MAP4K5: variants seen among roughly 807,000 people sequenced by gnomAD.
MAP4K5 encodes MAPK/ERK kinase kinase kinase 5.
A neutral mutation model predicts 135.6 loss-of-function variants in MAP4K5; 82 were observed. The ratio of observed to expected loss-of-function variants is 0.60; its 90% CI spans 0.51 to 0.73. The LOEUF (loss-of-function observed/expected upper bound fraction) is 0.73, where lower values mean the gene tolerates loss of function less well. Ranked by LOEUF, MAP4K5 falls within the 30% of genes least tolerant of loss-of-function variation. The pLI is 0.00. For synonymous variants in MAP4K5, 347 were observed against 335.0 expected (o/e 1.04, Z -0.39); for missense variants, 907 against 1,010.9 (o/e 0.90, Z 1.39).
intron 2 of MAP4K5, among the ~76,000 whole-genome samples, chr14:50,527,496 G>T (rs1349929070): frequency 6.6e-6 from 1 of 151,708 alleles, no homozygotes; most frequent in Non-Finnish European, 1.5e-5. Flanking sequence ...AAAAAGACCT[G>T]TATCATATTC....
At chr14:50,435,393 C>G (rs1455919719) in intron 26 of MAP4K5, among the ~76,000 whole-genome samples, 7 of 152,124 alleles carry the variant, frequency 4.6e-5, no homozygotes, top group Admixed American at 4.6e-4. Context: ...GAGACAGGGT[C>G]TTGCTCTGTC....
upstream of MAP4K5, among the ~76,000 whole-genome samples, chr14:50,537,081 C>T (rs2038502799): frequency 6.6e-6 from 1 of 152,230 alleles, no homozygotes. Flanking sequence ...CTTCCCATCA[C>T]AGGCCAGGAG....
At chr14:50,523,346 T>C (rs1338502114) in intron 2 of MAP4K5, among the ~76,000 whole-genome samples, 1 of 152,036 alleles carries the variant, frequency 6.6e-6, no homozygotes, top group Non-Finnish European at 1.5e-5. Flanking sequence ...AAAATCACAA[T>C]GACCTGTGGT....
In MAP4K5 at chr14:50,476,324, A is replaced by G. The variant is rs181454244; in HGVS notation, c.379-18T>C. 16 of 1,334,724 alleles carry G rather than the reference A, an allele frequency of 1.2e-5. No homozygotes were observed. In the African/African-American group the frequency reaches 2.0e-4, roughly 17 times the overall value. The allele number at this position is 1,334,724 out of a possible 1,614,324, so 82.7% of individuals were successfully genotyped here. ...GCAAGACCCTAAAAGTTTAAAAAAAAAAAAAAAGAATGTATCAGCAAAACT... is the reference window on the plus strand; with the variant it reads ...GCAAGACCCTAAAAGTTTAAAAAAAGAAAAAAAGAATGTATCAGCAAAACT... On this transcript the variant is annotated intron_variant, in intron 6 of 32. Transcript: ENST00000682126.
Position 50,442,767 on chromosome 14 carries a change from T to C in MAP4K5, c.1529A>G (p.Asn510Ser). The C allele has an allele frequency of 6.3e-7, 1 of 1,598,720 alleles. No homozygotes were observed. Among genetic ancestry groups the C allele is most frequent in the Non-Finnish European group, 8.5e-7 (1 of 1,173,294 alleles). ...AGGATGTATCCAGGATGTTGCACAATTAATTTTCAAAGGACAGCCATCAAA... is the reference window on the plus strand; with the variant it reads ...AGGATGTATCCAGGATGTTGCACAACTAATTTTCAAAGGACAGCCATCAAA... ...KVFDGCPLKI[N>S]CATSWIHPDT... The change falls in exon 21 of 33, where the codon AAT becomes AGT. Residue 510 changes from asparagine (N) to serine (S), a missense_variant. Physicochemically the swap from Asn to Ser is conservative, Grantham distance 46 (BLOSUM62 1). Coordinates refer to ENST00000682126, the MANE Select transcript of MAP4K5 (RefSeq NM_006575.6).
intron 3 of MAP4K5, among the ~76,000 whole-genome samples, chr14:50,492,417 C>G (rs2037503304): frequency 6.6e-6 from 1 of 151,652 alleles, no homozygotes; most frequent in African/African-American, 2.4e-5. Context: ...CATAGCAAGA[C>G]TCTGTCTCCA....
Position 50,462,683 on chromosome 14 carries a change from T to C in MAP4K5, c.918A>G (p.Ala306=), listed in dbSNP as rs374506775. Reference sequence around the variant, plus strand: ...TCCTTACCTCAAAGTCATCGTCATCTGCTTCAGTGTAATGTGCGTGGTTAT... The same window carrying C: ...TCCTTACCTCAAAGTCATCGTCATCCGCTTCAGTGTAATGTGCGTGGTTAT... ...NPDNHAHYTE[A]DDDDFEPHAI... is the part of the protein sequence containing the mutation. Residue 306 remains alanine (A), a synonymous_variant, in exon 13 of 33, where the codon GCA becomes GCG. Transcript: ENST00000682126. 1.2e-6 allele frequency: 2 copies of C among 1,603,782 alleles called. No homozygotes were observed. The highest frequency in any genetic ancestry group is 4.5e-5 in the East Asian group (2 of 44,468).
intron 15 of MAP4K5, among the ~76,000 whole-genome samples, chr14:50,448,561 G>A (rs1049861734): frequency 1.5e-4 from 22 of 151,598 alleles, no homozygotes; most frequent in Middle Eastern, 3.2e-3. Flanking sequence ...AGACTAAGGA[G>A]GTTAAAATGA....
chr14:50,425,828 A>T, intron 31 of MAP4K5, 79 bp downstream of exon 31: 1 of 962,064 alleles, frequency 1.0e-6, no homozygotes, highest in Non-Finnish European at 1.6e-6. Flanking sequence ...GTAGGTTCAG[A>T]GAGGAAATGC....
intron 12 of MAP4K5, 110 bp downstream of exon 12, chr14:50,463,942 T>C: frequency 7.2e-6 from 3 of 419,084 alleles, no homozygotes; most frequent in South Asian, 5.7e-5. Flanking sequence ...TGCTGACCCC[T>C]GCTGTAAGAG....
chr14:50,550,480 C>T (rs1417475297), intron 1 of MAP4K5, among the ~76,000 whole-genome samples: 1 of 152,174 alleles, frequency 6.6e-6, no homozygotes, highest in Non-Finnish European at 1.5e-5. Context: ...GATTCCTCCC[C>T]TTGTTAAGTT....
chr14:50,487,806 C>A (rs948302643), intron 3 of MAP4K5, among the ~76,000 whole-genome samples: 1 of 152,072 alleles, frequency 6.6e-6, no homozygotes, highest in Non-Finnish European at 1.5e-5. Context: ...TGTTCACTCG[C>A]GGGCACCAGA....
intron 6 of MAP4K5, among the ~76,000 whole-genome samples, chr14:50,479,270 T>C (rs973810176): frequency 1.3e-5 from 2 of 151,804 alleles, no homozygotes; most frequent in Non-Finnish European, 2.9e-5. Context: ...CCACTTGAAA[T>C]TGTCCTACAG....
At chr14:50,453,498 G>A (rs947145124) in intron 14 of MAP4K5, among the ~76,000 whole-genome samples, 1 of 152,000 alleles carries the variant, frequency 6.6e-6, no homozygotes, top group Non-Finnish European at 1.5e-5. Flanking sequence ...ACTGAGAAAT[G>A]TCTCTCTCTC....
chr14:50,512,388 A>G (rs1393702501), intron 2 of MAP4K5, among the ~76,000 whole-genome samples: 1 of 152,160 alleles, frequency 6.6e-6, no homozygotes, highest in Admixed American at 6.5e-5. Flanking sequence ...TCAGAAACAG[A>G]TCATTGGAGG....
At chr14:50,434,627 C>T in intron 27 of MAP4K5, 56 bp from the exon 28 acceptor site, 1 of 1,467,244 alleles carries the variant, frequency 6.8e-7, no homozygotes, top group South Asian at 1.2e-5. Context: ...CCCATTCATA[C>T]CACTGTTGAA....
At position 50,456,578 on chromosome 14, in the gene MAP4K5, C is replaced by G. The variant is rs1318036710; in HGVS notation, c.953G>C (p.Arg318Pro). The change falls in exon 14 of 33, where the codon CGT becomes CCT. Residue 318 changes from arginine (R) to proline (P), a missense_variant. Arg to Pro is a moderately radical substitution (Grantham distance 103, BLOSUM62 -2). This residue lies in a region of MAP4K5 where 690 missense variants were observed against 777.4 expected (regional missense o/e 0.89). Transcript: ENST00000682126. The stretch of plus-strand genomic sequence containing the variant: ...CCTGTTTGTAGATCTAATGGTATGA[C>G]GAATGATTGCATGGGGCTGTGAATA... ...DDDFEPHAII[R>P]HTIRSTNRNA... The G allele has an allele frequency of 1.3e-6, 2 of 1,572,392 alleles. No individual in the cohort carries two copies. Among genetic ancestry groups the G allele is most frequent in the Non-Finnish European group, 1.7e-6 (2 of 1,157,350 alleles).
At chr14:50,519,300 G>A (rs770194166) in intron 2 of MAP4K5, among the ~76,000 whole-genome samples, 23 of 151,914 alleles carry the variant, frequency 1.5e-4, no homozygotes, top group Non-Finnish European at 2.6e-4. Context: ...TAAAAGTTGG[G>A]AATGTTTATC....
At chr14:50,500,203 T>C (rs1230860709) in intron 3 of MAP4K5, among the ~76,000 whole-genome samples, 1 of 152,180 alleles carries the variant, frequency 6.6e-6, no homozygotes, top group Non-Finnish European at 1.5e-5. Context: ...TTCTCATTGA[T>C]CTTACATTCT....
Sources: gnomAD v4.1 joint callset for allele counts (sites outside exome capture counted in the v4.1 genomes callset) on GRCh38, gnomAD v4.1.1 for gene constraint, gnomAD v4.1.1 regional missense constraint, MANE v1.5 for transcripts, NCBI Gene and HGNC (gene_info 2026-07-23, HGNC 2026-07-21) for gene names.